AP3B1: variants seen among roughly 807,000 people sequenced by gnomAD.
The protein encoded by AP3B1 is adaptor related protein complex 3 subunit beta 1, also known as AP-3 complex subunit beta-1.
Under a neutral mutation model 132.5 loss-of-function variants are expected in AP3B1, and 61 were observed. That is an observed-to-expected ratio of 0.46 (90% CI 0.37 to 0.57). The LOEUF is 0.57. AP3B1 is among the 20% of genes least tolerant of loss of function. The probability of loss-of-function intolerance (pLI) is 0.00; values close to 1 mark genes in which losing one functional copy is unlikely to be tolerated. For missense variants in AP3B1, 1,120 were observed against 1,289.4 expected (o/e 0.87, Z 2.01); for synonymous variants, 388 against 438.3 (o/e 0.89, Z 1.43).
intron 1 of AP3B1, among the ~76,000 whole-genome samples, chr5:78,290,903 T>TCACA: frequency 6.6e-6 from 1 of 152,212 alleles, no homozygotes; most frequent in South Asian, 2.1e-4. Flanking sequence ...TGAGCCATGA[T>TCACA]CACACCACTG....
chr5:78,071,558 TTAAAA>T (rs1305254974), intron 22 of AP3B1, among the ~76,000 whole-genome samples: 3 of 152,158 alleles, frequency 2.0e-5, no homozygotes, highest in Admixed American at 6.5e-5. Context: ...ATCCTGGAAC[TTAAAA>T]TAAATAAAAT....
intron 5 of AP3B1, 46 bp from the exon 6 acceptor site, chr5:78,225,654 G>C (rs1203274932): frequency 1.6e-6 from 2 of 1,227,808 alleles, no homozygotes; most frequent in Admixed American, 3.5e-5. Flanking sequence ...TTTAATTCTA[G>C]CTTTACATGA....
chr5:78,285,881 T>G (rs1749255968), intron 1 of AP3B1, among the ~76,000 whole-genome samples: 1 of 152,170 alleles, frequency 6.6e-6, no homozygotes, highest in South Asian at 2.1e-4. Context: ...TCGGATCACC[T>G]TCTCTTGCCT....
intron 23 of AP3B1, among the ~76,000 whole-genome samples, chr5:78,038,061 G>A (rs1478607147): frequency 6.6e-6 from 1 of 152,164 alleles, no homozygotes; most frequent in Non-Finnish European, 1.5e-5. Context: ...AGGATGCGGT[G>A]GGCACAGAAG....
intron 5 of AP3B1, among the ~76,000 whole-genome samples, chr5:78,226,357 A>G (rs1746401218): frequency 6.6e-6 from 1 of 152,104 alleles, no homozygotes; most frequent in Non-Finnish European, 1.5e-5. Flanking sequence ...ACTAAACATT[A>G]TAATTATCTG....
At chr5:78,162,756 G>A in intron 13 of AP3B1, 63 bp downstream of exon 13, 1 of 1,577,766 alleles carries the variant, frequency 6.3e-7, no homozygotes, top group Non-Finnish European at 8.7e-7. Flanking sequence ...TTACAACTTG[G>A]AAATAATACC....
intron 7 of AP3B1, among the ~76,000 whole-genome samples, chr5:78,212,434 A>G (rs1745780225): frequency 6.6e-6 from 1 of 152,198 alleles, no homozygotes; most frequent in Non-Finnish European, 1.5e-5. Flanking sequence ...GGTTTTTTTA[A>G]TTATAAATTT....
At chr5:78,117,093 C>G (rs1011178328) in intron 17 of AP3B1, among the ~76,000 whole-genome samples, 3 of 151,928 alleles carry the variant, frequency 2.0e-5, no homozygotes, top group South Asian at 2.1e-4. Flanking sequence ...CCTTACTGTT[C>G]CTCCAAACGT....
intron 7 of AP3B1, among the ~76,000 whole-genome samples, chr5:78,199,877 G>C (rs180895247): frequency 3.3e-5 from 5 of 151,832 alleles, no homozygotes; most frequent in Non-Finnish European, 7.4e-5. Flanking sequence ...AATATAAAAG[G>C]TTTTTATATA....
At chr5:78,189,567 T>C (rs1744741117) in intron 7 of AP3B1, among the ~76,000 whole-genome samples, 1 of 152,116 alleles carries the variant, frequency 6.6e-6, no homozygotes. Flanking sequence ...TGAATTTTTT[T>C]ACAGTTTTAA....
At position 78,129,235 on chromosome 5, in the gene AP3B1, T is replaced by C; in HGVS notation, c.1723A>G (p.Arg575Gly). 6.2e-7 allele frequency: 1 copy of C among 1,613,458 alleles called. No individual in the cohort carries two copies. The highest frequency in any genetic ancestry group is 8.5e-7 in the Non-Finnish European group (1 of 1,179,454). The change falls in exon 16 of 27, where the codon AGA becomes GGA. Residue 575 changes from arginine (R) to glycine (G), a missense_variant. By Grantham distance (125) the Arg-to-Gly change is moderately radical. Around this residue, in one of 3 missense-constraint regions of AP3B1, gnomAD observed 906 missense variants for 997.1 expected, o/e 0.91. Transcript: ENST00000255194. The part of the protein sequence containing the change: ...DQNYDIRDRT[R>G]FIRQLIVPNV... ...GGAACAATAAGCTGCCTAATAAATC[T>C]TGTACGGTCTCTGATGTCGTAGTTT...
chr5:78,157,091 G>T (rs1743180850), intron 13 of AP3B1, among the ~76,000 whole-genome samples: 1 of 152,080 alleles, frequency 6.6e-6, no homozygotes, highest in Admixed American at 6.5e-5. Flanking sequence ...GTGGGGGGAG[G>T]GCGGGGATAT....
chr5:78,165,790 C>T (rs919430759), intron 11 of AP3B1, 118 bp from the exon 12 acceptor site: 14 of 803,798 alleles, frequency 1.7e-5, no homozygotes, highest in Admixed American at 4.1e-5. Flanking sequence ...CATTGTCAGC[C>T]GGGCACAGTG....
chr5:78,086,844 GTTTT>G (rs553332084), intron 22 of AP3B1, among the ~76,000 whole-genome samples: 1 of 150,092 alleles, frequency 6.7e-6, no homozygotes, highest in African/African-American at 2.4e-5. Flanking sequence ...AAAATACGAA[GTTTT>G]TTTTTTCTTT....
chr5:78,015,795 T>C (rs550066383), intron 25 of AP3B1: 1 of 450,270 alleles, frequency 2.2e-6, no homozygotes, highest in African/African-American at 2.0e-5. Context: ...ATTTTAAGTA[T>C]GATAGGATAA....
In AP3B1 at chr5:78,269,328, G is replaced by A. The variant is rs1561211765; in HGVS notation, c.129-1733C>T. Among the ~76,000 whole-genome samples, 10 of 152,244 alleles carry A rather than the reference G, an allele frequency of 6.6e-5. No homozygotes were observed. The South Asian group carries it at 1.9e-3, about 28-fold the overall frequency. ...TTTATTTTTACATAAGTGACATCTT[G>A]TGGTGTTAAATGGTATAACTTTTCC... On this transcript the variant is annotated intron_variant, in intron 1 of 26. Transcript: ENST00000255194.
chr5:78,058,377 G>A (rs957070612), intron 22 of AP3B1, among the ~76,000 whole-genome samples: 2 of 152,046 alleles, frequency 1.3e-5, no homozygotes, highest in African/African-American at 4.8e-5. Context: ...GCAGGCACCT[G>A]TAACCCCAGC....
intron 22 of AP3B1, among the ~76,000 whole-genome samples, chr5:78,086,078 T>C (rs1217779133): frequency 1.3e-5 from 2 of 152,198 alleles, no homozygotes; most frequent in Non-Finnish European, 2.9e-5. Flanking sequence ...ATTTTTATCA[T>C]TTATACTCAA....
At chr5:78,033,940 TAAG>T (rs1430945919) in intron 24 of AP3B1, among the ~76,000 whole-genome samples, 15 of 151,976 alleles carry the variant, frequency 9.9e-5, no homozygotes, top group African/African-American at 3.1e-4. Context: ...ATATTCCACT[TAAG>T]AATCTCAAGA....
Sources: gnomAD v4.1 joint callset for allele counts (sites outside exome capture counted in the v4.1 genomes callset) on GRCh38, gnomAD v4.1.1 for gene constraint, gnomAD v4.1.1 regional missense constraint, MANE v1.5 for transcripts, NCBI Gene and HGNC (gene_info 2026-07-23, HGNC 2026-07-21) for gene names.